Variants in C6orf62 observed in about 807,000 individuals in gnomAD.
The protein encoded by C6orf62 is chromosome 6 open reading frame 62.
In C6orf62, 16 loss-of-function variants were observed where a neutral mutation model predicts 26.8. The ratio of observed to expected loss-of-function variants is 0.60; its 90% CI spans 0.40 to 0.91. C6orf62 has a LOEUF of 0.91. Ranked by LOEUF, C6orf62 falls within the 40% of genes least tolerant of loss-of-function variation. C6orf62 has a pLI of 0.00. For missense variants in C6orf62, 192 were observed against 271.4 expected, an observed-to-expected ratio of 0.71 and a Z score of 2.06; for synonymous variants, 112 against 91.5, an observed-to-expected ratio of 1.22 and a Z score of -1.28.
At chr6:24,717,381 G>C (rs1020657794) in intron 1 of C6orf62, among the ~76,000 whole-genome samples, 5 of 152,238 alleles carry the variant, frequency 3.3e-5, no homozygotes, top group Admixed American at 3.3e-4. Context: ...AAGTGGAGAT[G>C]TAAGTCCTTG....
In C6orf62 at chr6:24,705,127, A is replaced by G. The variant is rs1466873932; in HGVS notation, c.*1010T>C. On this transcript the variant is annotated 3_prime_UTR_variant, in exon 5 of 5. Transcript: ENST00000378119. ...TTCCTTATGTTCATTGCACAAAATGAGTTCTGCTTTTAGAACTTTGACACT... is the reference window on the plus strand; with the variant it reads ...TTCCTTATGTTCATTGCACAAAATGGGTTCTGCTTTTAGAACTTTGACACT... 6.6e-6 allele frequency: 1 copy of G among 152,228 alleles called. No individual in the cohort carries two copies. Among genetic ancestry groups the G allele is most frequent in the East Asian group, 1.9e-4 (1 of 5,202 alleles). The allele number at this position is 152,228 out of a possible 1,614,324, so 9.4% of individuals were successfully genotyped here. A position where few individuals can be genotyped will look rare whatever the true frequency, so the allele number is the denominator to read the frequency against.
chr6:24,718,789 C>G lies in C6orf62; in HGVS notation c.-121G>C. ...TTTTCCTGCTAATATGATTGATTAGCGAAAATCACGACTATAACCCAAAAA... is the reference window on the plus strand; with the variant it reads ...TTTTCCTGCTAATATGATTGATTAGGGAAAATCACGACTATAACCCAAAAA... On this transcript the variant is annotated 5_prime_UTR_variant, in exon 1 of 5. Transcript: ENST00000378119. The G allele has an allele frequency of 6.5e-7, 1 of 1,549,092 alleles. No homozygotes were observed. The highest frequency in any genetic ancestry group is 8.6e-7 in the Non-Finnish European group (1 of 1,157,580).
At chr6:24,708,558 G>T (rs7757919) in intron 4 of C6orf62, among the ~76,000 whole-genome samples, 31,747 of 151,992 alleles carry the variant, frequency 0.21, 3,579 homozygotes, top group Non-Finnish European at 0.26. Context: ...GGCTGGTCTG[G>T]AATTCCTGAG....
chr6:24,710,713 C>T (rs569164191), intron 3 of C6orf62: 39 of 796,808 alleles, frequency 4.9e-5, no homozygotes, highest in South Asian at 5.7e-5. Context: ...ATCTGATAAA[C>T]GCTGACTGGG....
At chr6:24,713,841 CAA>C (rs1490116619) in intron 3 of C6orf62, among the ~76,000 whole-genome samples, 2 of 152,116 alleles carry the variant, frequency 1.3e-5, no homozygotes, top group Non-Finnish European at 1.5e-5. Flanking sequence ...GACAAACAGT[CAA>C]AAGTCAGCAA....
In C6orf62 at chr6:24,714,453, T is replaced by TAA. The variant is rs199572171; in HGVS notation, c.307-15_307-14dup. 5.4e-3 allele frequency: 7,236 copies of TAA among 1,350,616 alleles called. No individual in the cohort carries two copies. Among genetic ancestry groups the TAA allele is most frequent in the Middle Eastern group, 6.3e-3 (32 of 5,090 alleles). 83.7% of individuals were successfully genotyped at this position (1,350,616 alleles called of 1,614,324 possible). On this transcript the variant is annotated splice_polypyrimidine_tract_variant and intron_variant, in intron 2 of 4. Transcript: ENST00000378119. ...AGCCAATTACATCCTATAAAATGAT[T>TAA]AAAAAAAAAAAAGTTTACTTTTAAA...
chr6:24,705,333 A>G lies in C6orf62; in HGVS notation c.*804T>C, dbSNP rs1055578524. ...AAAACCAAAAACAAAACAAAACAAA[A>G]CAAAACAAAACCAAAAGAAAAGTCC... is the stretch of plus-strand genomic sequence containing the variant. On this transcript the variant is annotated 3_prime_UTR_variant, in exon 5 of 5. Coordinates refer to ENST00000378119, the MANE Select transcript of C6orf62 (RefSeq NM_030939.5). The G allele has an allele frequency of 6.6e-6, 1 of 152,652 alleles. No individual in the cohort carries two copies. Among genetic ancestry groups the G allele is most frequent in the African/African-American group, 2.4e-5 (1 of 41,450 alleles). The allele number at this position is 152,652 out of a possible 1,614,324, so 9.5% of individuals were successfully genotyped here.
At chr6:24,718,428 A>C in intron 1 of C6orf62, 112 bp downstream of exon 1, 4 of 1,096,720 alleles carry the variant, frequency 3.6e-6, no homozygotes, top group Non-Finnish European at 5.2e-6. Context: ...TACAAAGCAG[A>C]CTTTTTTTCA....
intron 4 of C6orf62, among the ~76,000 whole-genome samples, chr6:24,707,819 T>C (rs1415439798): frequency 2.0e-5 from 3 of 150,258 alleles, no homozygotes; most frequent in Non-Finnish European, 3.0e-5. Flanking sequence ...CTGGCTAACA[T>C]GGTGAAACCC....
At position 24,710,593 on chromosome 6, in the gene C6orf62, T is replaced by C. The variant is rs886203489; in HGVS notation, c.430-1682A>G. On this transcript the variant is annotated intron_variant, in intron 3 of 4. Transcript: ENST00000378119. ...TTGGGTTCTTATCATCAAACCACTA[T>C]AGGAGAAAAAAAAAAAAGTAACAGT... 18 of 970,202 alleles carry C rather than the reference T, an allele frequency of 1.9e-5. No individual in the cohort carries two copies. The African/African-American group carries it at 2.1e-4, about 11-fold the overall frequency. 60.1% of individuals were successfully genotyped at this position (970,202 alleles called of 1,614,324 possible).
chr6:24,711,241 C>T (rs1402298090), intron 3 of C6orf62, among the ~76,000 whole-genome samples: 1 of 150,360 alleles, frequency 6.7e-6, no homozygotes. Flanking sequence ...AGAAATGGTA[C>T]ACACACACAC....
Position 24,718,765 on chromosome 6 carries a change from T to TTTC in C6orf62, c.-100_-98dup. 1 of 1,576,986 alleles carries TTTC rather than the reference T, an allele frequency of 6.3e-7. No homozygotes were observed. ...AGTACAACAGAAACAAGTCATTTTT[T>TTTC]TTCCTGCTAATATGATTGATTAGCG... is the stretch of plus-strand genomic sequence containing the variant. On this transcript the variant is annotated 5_prime_UTR_variant, in exon 1 of 5. Transcript: ENST00000378119.
At chr6:24,718,303 A>G (rs1176242754) in intron 1 of C6orf62, among the ~76,000 whole-genome samples, 1 of 152,234 alleles carries the variant, frequency 6.6e-6, no homozygotes, top group Non-Finnish European at 1.5e-5. Flanking sequence ...AGTGTATACT[A>G]CTACTAAGCT....
chr6:24,712,361 G>T (rs145919567), intron 3 of C6orf62, among the ~76,000 whole-genome samples: 3,869 of 150,238 alleles, frequency 0.026, 149 homozygotes, highest in African/African-American at 0.086. Context: ...CAGCTTGGGC[G>T]ACAGAGCAAG....
rs6913673 is a variant in C6orf62 at position 24,712,916 on chromosome 6, A to C, written c.429+1402T>G. Among the ~76,000 whole-genome samples, 1,478 of 152,180 alleles carry C rather than the reference A, an allele frequency of 9.7e-3. 20 individuals carry two copies. The highest frequency in any genetic ancestry group is 0.033 in the African/African-American group (1,364 of 41,512). On this transcript the variant is annotated intron_variant, in intron 3 of 4. Coordinates refer to ENST00000378119, the MANE Select transcript of C6orf62 (RefSeq NM_030939.5). ...TTAACTAAAAAACAACAAAATCCTA[A>C]CACCACCTCCAGAGAGCAGCTAGAG...
In C6orf62 at chr6:24,717,706, T is replaced by C. The variant is rs547692068; in HGVS notation, c.129+834A>G. 2.1e-4 allele frequency among the ~76,000 whole-genome samples: 32 copies of C among 152,332 alleles called. No homozygotes were observed. The South Asian group carries it at 4.3e-3, about 21-fold the overall frequency. On this transcript the variant is annotated intron_variant, in intron 1 of 4. Coordinates refer to ENST00000378119, the MANE Select transcript of C6orf62 (RefSeq NM_030939.5). The stretch of plus-strand genomic sequence containing the variant: ...ATACTTAATAGATACCACACTAAGA[T>C]TGTATTTCTGATCTGAAATTAGCTA...
Position 24,705,525 on chromosome 6 carries a change from T to C in C6orf62, c.*612A>G, listed in dbSNP as rs564029299. 7.4e-4 allele frequency: 113 copies of C among 152,668 alleles called. No individual in the cohort carries two copies. The highest frequency in any genetic ancestry group is 7.8e-4 in the Non-Finnish European group (53 of 68,022). 9.5% of individuals were successfully genotyped at this position (152,668 alleles called of 1,614,324 possible). On this transcript the variant is annotated 3_prime_UTR_variant, in exon 5 of 5. Coordinates refer to ENST00000378119, the MANE Select transcript of C6orf62 (RefSeq NM_030939.5). ...AAGAGATCTGGAAAAAAAAAATACA[T>C]GAGTACCAGGAAACAAACATGGCCC...
upstream of C6orf62, chr6:24,719,807 TCCACCCCCGCAGGTC>T (rs1391946816): frequency 1.3e-6 from 2 of 1,546,842 alleles, no homozygotes; most frequent in Non-Finnish European, 1.7e-6. Context: ...CCACCTGCCT[TCCACCCCCGCAGGTC>T]CCACCCCCAC....
At chr6:24,709,116 T>C (rs1204504538) in intron 3 of C6orf62, 25 of 976,284 alleles carry the variant, frequency 2.6e-5, no homozygotes, top group Non-Finnish European at 2.8e-5. Context: ...CATTCTTCAG[T>C]AGCACTAGCC....
Sources: allele counts gnomAD v4.1 joint callset (sites outside exome capture counted in the v4.1 genomes callset), GRCh38; gene constraint gnomAD v4.1.1; transcripts MANE v1.5; gene names NCBI Gene and HGNC (gene_info 2026-07-23, HGNC 2026-07-21).